Variants in FHIT observed in about 807,000 individuals in gnomAD.
FHIT encodes bis(5'-adenosyl)-triphosphatase.
A neutral mutation model predicts 17.9 loss-of-function variants in FHIT; 19 were observed. The ratio of observed to expected loss-of-function variants is 1.06; its 90% CI spans 0.74 to 1.56. The LOEUF (loss-of-function observed/expected upper bound fraction) is 1.56. FHIT is among the 40% of genes most tolerant of loss of function. The probability of loss-of-function intolerance (pLI) is 0.00; values close to 1 mark genes in which losing one functional copy is unlikely to be tolerated. For synonymous variants in FHIT, 81 were observed against 69.7 expected (o/e 1.16, Z -0.81); for missense variants, 248 against 189.2 (o/e 1.31, Z -1.82).
chr3:60,469,079 T>C (rs530052435), intron 5 of FHIT, among the ~76,000 whole-genome samples: 1 of 152,170 alleles, frequency 6.6e-6, no homozygotes, highest in Non-Finnish European at 1.5e-5. Context: ...CTCTTGCTGC[T>C]TTTAGGATCC....
At chr3:60,211,120 A>C (rs1576314703) in intron 5 of FHIT, among the ~76,000 whole-genome samples, 1 of 151,664 alleles carries the variant, frequency 6.6e-6, no homozygotes, top group East Asian at 1.9e-4. Context: ...AAGAAAAGAA[A>C]TCATTCTAGA....
intron 2 of FHIT, among the ~76,000 whole-genome samples, chr3:61,172,120 G>A (rs1051425641): frequency 6.6e-6 from 1 of 152,052 alleles, no homozygotes; most frequent in Admixed American, 6.6e-5. Flanking sequence ...GCAGAAAGAA[G>A]AAAATTGTGA....
chr3:60,663,051 A>G (rs2040295948), intron 4 of FHIT, among the ~76,000 whole-genome samples: 1 of 148,874 alleles, frequency 6.7e-6, no homozygotes, highest in Non-Finnish European at 1.5e-5. Flanking sequence ...TATTTATGGA[A>G]GTCTATTTCT....
At chr3:59,971,015 G>A (rs1284581707) in intron 7 of FHIT, among the ~76,000 whole-genome samples, 2 of 151,992 alleles carry the variant, frequency 1.3e-5, no homozygotes, top group Non-Finnish European at 2.9e-5. Context: ...CAGCTCAGCT[G>A]CACACAATTA....
chr3:60,667,720 A>T (rs6768510), intron 4 of FHIT, among the ~76,000 whole-genome samples: 1,786 of 134,708 alleles, frequency 0.013, 39 homozygotes, highest in African/African-American at 0.048. Flanking sequence ...GATAGGAGAG[A>T]CTAGGTCCTA....
intron 4 of FHIT, among the ~76,000 whole-genome samples, chr3:60,625,044 G>A (rs568275037): frequency 5.3e-5 from 8 of 152,092 alleles, no homozygotes; most frequent in Non-Finnish European, 1.2e-4. Context: ...AAGTATCTGG[G>A]ACTACAGGCA....
intron 5 of FHIT, among the ~76,000 whole-genome samples, chr3:60,108,519 G>A (rs1704525865): frequency 6.6e-6 from 1 of 152,058 alleles, no homozygotes; most frequent in African/African-American, 2.4e-5. Context: ...TCTTTTGGAT[G>A]GGAAATGACC....
chr3:60,571,333 C>A (rs1465733860), intron 4 of FHIT, among the ~76,000 whole-genome samples: 1 of 8,574 alleles, frequency 1.2e-4, no homozygotes, highest in Non-Finnish European at 2.3e-4. Context: ...AAGACTCCAT[C>A]GCAAAAAAAA....
At chr3:60,073,828 C>T (rs1168615766) in intron 5 of FHIT, among the ~76,000 whole-genome samples, 3 of 152,100 alleles carry the variant, frequency 2.0e-5, no homozygotes, top group African/African-American at 7.2e-5. Context: ...CTGCAACCTC[C>T]AGCTTGATTT....
At chr3:59,846,385 C>T (rs999136541) in intron 8 of FHIT, among the ~76,000 whole-genome samples, 2 of 152,106 alleles carry the variant, frequency 1.3e-5, no homozygotes, top group Admixed American at 1.3e-4. Flanking sequence ...ACTTTAACAA[C>T]ATTATACCCT....
At chr3:60,991,850 T>A (rs1483703103) in intron 3 of FHIT, among the ~76,000 whole-genome samples, 1 of 152,046 alleles carries the variant, frequency 6.6e-6, no homozygotes, top group African/African-American at 2.4e-5. Context: ...AAGCATAAGG[T>A]AAAGCACTCA....
At chr3:60,272,699 C>A (rs1026881786) in intron 5 of FHIT, among the ~76,000 whole-genome samples, 9 of 152,182 alleles carry the variant, frequency 5.9e-5, no homozygotes, top group Admixed American at 2.6e-4. Context: ...AATGTTAGAA[C>A]TGTAATCCTA....
chr3:60,001,327 C>A (rs541982614), intron 7 of FHIT, among the ~76,000 whole-genome samples: 4 of 152,130 alleles, frequency 2.6e-5, no homozygotes, highest in Admixed American at 2.6e-4. Context: ...CTTTTTCAGC[C>A]TTCCTGCATT....
At chr3:60,905,893 A>T (rs563025124) in intron 3 of FHIT, among the ~76,000 whole-genome samples, 81 of 151,608 alleles carry the variant, frequency 5.3e-4, no homozygotes, top group African/African-American at 1.9e-3. Flanking sequence ...TTCTTGAACA[A>T]TTTTTTTTTC....
intron 3 of FHIT, among the ~76,000 whole-genome samples, chr3:60,862,837 G>A (rs1432432452): frequency 2.1e-5 from 3 of 143,416 alleles, no homozygotes; most frequent in Non-Finnish European, 4.5e-5. Flanking sequence ...GGGCGACAGA[G>A]TGAAACTCCC....
chr3:60,634,478 G>C (rs1347990318), intron 4 of FHIT, among the ~76,000 whole-genome samples: 1 of 152,202 alleles, frequency 6.6e-6, no homozygotes, highest in Non-Finnish European at 1.5e-5. Context: ...TAACAGCCCA[G>C]TGTTGGTAAT....
At chr3:59,863,845 G>A (rs1176855454) in intron 8 of FHIT, among the ~76,000 whole-genome samples, 1 of 152,140 alleles carries the variant, frequency 6.6e-6, no homozygotes, top group African/African-American at 2.4e-5. Context: ...CTCACCCATT[G>A]GCAAGGTGCC....
intron 5 of FHIT, among the ~76,000 whole-genome samples, chr3:60,194,850 T>A (rs113839104): frequency 0.019 from 2,941 of 152,094 alleles, 77 homozygotes; most frequent in African/African-American, 0.067. Context: ...ACATCACTCA[T>A]CATCAGGGAA....
chr3:60,580,645 A>C lies in FHIT; in HGVS notation c.-17-43666T>G, dbSNP rs540884574. On this transcript the variant is annotated intron_variant, in intron 4 of 9. Coordinates refer to ENST00000492590, the MANE Select transcript of FHIT (RefSeq NM_002012.4). The stretch of plus-strand genomic sequence containing the variant: ...GCAATATAAAATAATGTACAGCATC[A>C]CTGAACTGGGGATTAAAAATCCCAA... Among the ~76,000 whole-genome samples the C allele has an allele frequency of 4.6e-5, 7 of 152,230 alleles. No homozygotes were observed. In the South Asian group the frequency reaches 1.5e-3, roughly 32 times the overall value.
Sources: gnomAD v4.1 joint callset for allele counts (sites outside exome capture counted in the v4.1 genomes callset) on GRCh38, gnomAD v4.1.1 for gene constraint, MANE v1.5 for transcripts, NCBI Gene and HGNC (gene_info 2026-07-23, HGNC 2026-07-21) for gene names.